The following VSNL1 variants were observed in gnomAD, a reference collection of about 807,000 sequenced individuals.
VSNL1 encodes visinin like 1, also known as visinin-like protein 1.
A neutral mutation model predicts 20.4 loss-of-function variants in VSNL1; 6 were observed. The ratio of observed to expected loss-of-function variants is 0.29; its 90% CI spans 0.16 to 0.58. The LOEUF (loss-of-function observed/expected upper bound fraction) is 0.58, where lower values mean the gene tolerates loss of function less well. Ranked by LOEUF, VSNL1 falls within the 20% of genes least tolerant of loss-of-function variation. The pLI, the probability that VSNL1 is intolerant of heterozygous loss-of-function variation, is 0.90. For missense variants in VSNL1, 100 were observed against 234.5 expected (o/e 0.43, Z 3.75); for synonymous variants, 93 against 86.4 (o/e 1.08, Z -0.42).
rs1316360171 is a variant in VSNL1 at position 17,656,303 on chromosome 2, A to G, written c.*909A>G. 6.6e-6 allele frequency: 1 copy of G among 152,222 alleles called. No individual in the cohort carries two copies. The highest frequency in any genetic ancestry group is 1.5e-5 in the Non-Finnish European group (1 of 68,030). 9.4% of individuals were successfully genotyped at this position (152,222 alleles called of 1,614,324 possible). A position where few individuals can be genotyped will look rare whatever the true frequency, so the allele number is the denominator to read the frequency against. ...TGAAGAATTAATGACAACAAAAGGG[A>G]AAAAAGCAACTTTCCAACTTTTCAT... On this transcript the variant is annotated 3_prime_UTR_variant, in exon 4 of 4. Transcript: ENST00000295156.
Position 17,652,827 on chromosome 2 carries a change from C to T in VSNL1, c.379-2370C>T, listed in dbSNP as rs1375351975. Among the ~76,000 whole-genome samples, 3 of 152,278 alleles carry T rather than the reference C, an allele frequency of 2.0e-5. No individual in the cohort carries two copies. The East Asian group carries it at 5.8e-4, about 29-fold the overall frequency. ...TTTCTGCCTGGCTCCCTCTCTGGTCCTCTGCCCCGAAATTTCTGGCTATCT... is the reference window on the plus strand; with the variant it reads ...TTTCTGCCTGGCTCCCTCTCTGGTCTTCTGCCCCGAAATTTCTGGCTATCT... On this transcript the variant is annotated intron_variant, in intron 3 of 3. Transcript: ENST00000295156.
intron 2 of VSNL1, among the ~76,000 whole-genome samples, chr2:17,626,454 A>G (rs1409673009): frequency 6.6e-6 from 1 of 152,196 alleles, no homozygotes; most frequent in Non-Finnish European, 1.5e-5. Context: ...GGGGCCACTA[A>G]GCGAAGTCCT....
At chr2:17,560,491 CAA>C (rs1427982511) in intron 1 of VSNL1, among the ~76,000 whole-genome samples, 1 of 152,054 alleles carries the variant, frequency 6.6e-6, no homozygotes, top group Non-Finnish European at 1.5e-5. Context: ...GAATTATCAA[CAA>C]AGGTGGCATT....
intron 2 of VSNL1, among the ~76,000 whole-genome samples, chr2:17,594,485 G>A (rs1453880436): frequency 1.3e-5 from 2 of 152,232 alleles, no homozygotes; most frequent in Non-Finnish European, 2.9e-5. Flanking sequence ...TTATGTAATA[G>A]GCCCAGAAGA....
intron 2 of VSNL1, among the ~76,000 whole-genome samples, chr2:17,601,619 G>T (rs555287501): frequency 5.1e-4 from 77 of 150,238 alleles, no homozygotes; most frequent in Non-Finnish European, 9.6e-4. Context: ...CTGTACGACA[G>T]AGTGAGACTC....
chr2:17,585,688 A>T (rs1664456130), intron 1 of VSNL1, among the ~76,000 whole-genome samples: 2 of 152,036 alleles, frequency 1.3e-5, no homozygotes, highest in African/African-American at 2.4e-5. Flanking sequence ...GGGAAAATTC[A>T]TCACCTTCCT....
chr2:17,649,743 C>T lies in VSNL1; in HGVS notation c.378+118C>T. 5 of 952,342 alleles carry T rather than the reference C, an allele frequency of 5.3e-6. No homozygotes were observed. The highest frequency in any genetic ancestry group is 7.9e-6 in the Non-Finnish European group (5 of 629,140). 59.0% of individuals were successfully genotyped at this position (952,342 alleles called of 1,614,324 possible). A position where few individuals can be genotyped will look rare whatever the true frequency, so the allele number is the denominator to read the frequency against. On this transcript the variant is annotated intron_variant, in intron 3 of 3. Coordinates refer to ENST00000295156, the MANE Select transcript of VSNL1 (RefSeq NM_003385.5). The surrounding 1 kb of genome is among the most constrained non-coding windows in gnomAD (Gnocchi z 6.4). Reference sequence around the variant, plus strand: ...CTGCTCGAGCCCTGCCAGCTGCACACCACGCCTGGACTTCTCCTGCTTCTG... The same window carrying T: ...CTGCTCGAGCCCTGCCAGCTGCACATCACGCCTGGACTTCTCCTGCTTCTG...
intron 2 of VSNL1, among the ~76,000 whole-genome samples, chr2:17,641,451 A>G (rs547721962): frequency 3.3e-5 from 5 of 152,346 alleles, no homozygotes; most frequent in Admixed American, 6.5e-5. Context: ...CACAATTTCC[A>G]AAGTGTAATT....
At chr2:17,618,423 C>T (rs545542688) in intron 2 of VSNL1, among the ~76,000 whole-genome samples, 73 of 152,206 alleles carry the variant, frequency 4.8e-4, no homozygotes, top group Non-Finnish European at 1.0e-3. Flanking sequence ...TACACTGTCA[C>T]GTCCCCTTCT....
chr2:17,645,446 A>C (rs1665971487), intron 2 of VSNL1, among the ~76,000 whole-genome samples: 1 of 152,226 alleles, frequency 6.6e-6, no homozygotes, highest in South Asian at 2.1e-4. Context: ...AGGATAAGCT[A>C]TCCAGGCAGC....
chr2:17,568,367 T>A (rs559620068), intron 1 of VSNL1, among the ~76,000 whole-genome samples: 67 of 152,238 alleles, frequency 4.4e-4, no homozygotes, highest in African/African-American at 1.4e-3. Flanking sequence ...TTCCAGCCTC[T>A]GGTGATTTTC....
At chr2:17,618,071 C>A (rs1222490247) in intron 2 of VSNL1, among the ~76,000 whole-genome samples, 2 of 152,166 alleles carry the variant, frequency 1.3e-5, no homozygotes, top group Admixed American at 6.5e-5. Flanking sequence ...AGGACCAGCT[C>A]TTGTCCTGGT....
chr2:17,598,374 A>T (rs56105592), intron 2 of VSNL1, among the ~76,000 whole-genome samples: 12,771 of 152,270 alleles, frequency 0.084, 565 homozygotes, highest in East Asian at 0.13. Flanking sequence ...CATCTGTGCA[A>T]ATGAAAACAT....
Position 17,553,214 on chromosome 2 carries a change from A to G in VSNL1, c.-6+12296A>G, listed in dbSNP as rs764671773. On this transcript the variant is annotated intron_variant, in intron 1 of 3. Transcript: ENST00000295156. ...GAGAGCACTCCCATTTTGTTCCTGG[A>G]TGGATATTTGACCACAGTTGTGCCA... Among the ~76,000 whole-genome samples, 15 of 152,168 alleles carry G rather than the reference A, an allele frequency of 9.9e-5. 1 individual carries two copies. The highest frequency in any genetic ancestry group is 1.8e-4 in the Non-Finnish European group (12 of 68,014).
intron 2 of VSNL1, among the ~76,000 whole-genome samples, chr2:17,615,043 A>G (rs1572199350): frequency 6.6e-6 from 1 of 152,268 alleles, no homozygotes; most frequent in East Asian, 1.9e-4. Flanking sequence ...AAATATCTTC[A>G]CCTTTCTTAA....
intron 2 of VSNL1, among the ~76,000 whole-genome samples, chr2:17,603,980 A>G (rs1037851528): frequency 5.9e-5 from 9 of 152,294 alleles, no homozygotes; most frequent in African/African-American, 2.2e-4. Flanking sequence ...ACTAGACTCA[A>G]CACCAGGGGG....
chr2:17,562,110 C>G (rs1300532684), intron 1 of VSNL1, among the ~76,000 whole-genome samples: 1 of 152,172 alleles, frequency 6.6e-6, no homozygotes, highest in Non-Finnish European at 1.5e-5. Context: ...CTGCTTTATA[C>G]TTCTAAGACT....
intron 1 of VSNL1, among the ~76,000 whole-genome samples, chr2:17,569,714 G>C (rs2710677): frequency 0.99 from 150,455 of 152,332 alleles, 74,326 homozygotes; most frequent in Middle Eastern, 1. Context: ...AATGTATTAA[G>C]TTTATATTTT....
At chr2:17,584,254 A>G (rs1664416804) in intron 1 of VSNL1, among the ~76,000 whole-genome samples, 1 of 151,844 alleles carries the variant, frequency 6.6e-6, no homozygotes, top group African/African-American at 2.4e-5. Context: ...ACAAAAAGGG[A>G]TACAAGGGAA....
Sources: allele counts gnomAD v4.1 joint callset (sites outside exome capture counted in the v4.1 genomes callset), GRCh38; gene constraint gnomAD v4.1.1; non-coding constraint Gnocchi (gnomAD v3.1); transcripts MANE v1.5; gene names NCBI Gene and HGNC (gene_info 2026-07-23, HGNC 2026-07-21).